IL1RAPL1: variants seen among roughly 807,000 people sequenced by gnomAD.
IL1RAPL1 encodes the protein interleukin-1 receptor accessory protein-like 1.
In IL1RAPL1, 3 loss-of-function variants were observed where a neutral mutation model predicts 48.4. The observed-to-expected ratio is 0.06, with a 90% confidence interval of 0.03 to 0.16. IL1RAPL1 has a LOEUF of 0.16. Ranked by LOEUF, IL1RAPL1 falls within the 10% of genes least tolerant of loss-of-function variation. The pLI is 1.00. For missense variants in IL1RAPL1, 349 were observed against 530.6 expected, an observed-to-expected ratio of 0.66 and a Z score of 3.36; for synonymous variants, 185 against 187.7, an observed-to-expected ratio of 0.99 and a Z score of 0.12.
At chrX:28,990,515 C>T (rs1056094854) in intron 2 of IL1RAPL1, among the ~76,000 whole-genome samples, 1 of 111,813 alleles carries the variant, frequency 8.9e-6, no homozygotes, top group Admixed American at 9.6e-5. Flanking sequence ...AGTTTGTTAT[C>T]TGAAGCTTAA....
chrX:29,860,026 A>G (rs1485842992), intron 6 of IL1RAPL1, among the ~76,000 whole-genome samples: 1 of 111,970 alleles, frequency 8.9e-6, no homozygotes, highest in African/African-American at 3.3e-5. Context: ...TCTATTTCTA[A>G]CAAAGAAAAT....
intron 6 of IL1RAPL1, among the ~76,000 whole-genome samples, chrX:29,676,734 A>G (rs1014218132): frequency 1.8e-5 from 2 of 111,546 alleles, no homozygotes; most frequent in African/African-American, 6.5e-5. Flanking sequence ...CAGGTATAAT[A>G]TTTTTAAAAA....
chrX:28,628,624 G>A (rs1231613351), intron 1 of IL1RAPL1, among the ~76,000 whole-genome samples: 3 of 112,266 alleles, frequency 2.7e-5, no homozygotes, highest in Non-Finnish European at 5.6e-5. Flanking sequence ...ATGTTCTTAA[G>A]TGAAGCATTT....
At chrX:29,490,887 T>A (rs748094555) in intron 5 of IL1RAPL1, among the ~76,000 whole-genome samples, 45 of 108,937 alleles carry the variant, frequency 4.1e-4, no homozygotes, top group African/African-American at 1.5e-3. Context: ...ATTTTGCAGC[T>A]CTAGTTTTTT....
At chrX:29,575,163 G>C (rs1922734715) in intron 5 of IL1RAPL1, among the ~76,000 whole-genome samples, 1 of 111,650 alleles carries the variant, frequency 9.0e-6, no homozygotes, top group African/African-American at 3.3e-5. Flanking sequence ...TATCTTTATA[G>C]CAATGTCCCA....
chrX:29,773,118 A>G (rs1441648594), intron 6 of IL1RAPL1, among the ~76,000 whole-genome samples: 15 of 112,659 alleles, frequency 1.3e-4, no homozygotes, highest in African/African-American at 4.8e-4. Flanking sequence ...AATTCTGAGG[A>G]AATATTCCAA....
chrX:29,413,437 T>C (rs986164792), intron 5 of IL1RAPL1, among the ~76,000 whole-genome samples: 1 of 110,277 alleles, frequency 9.1e-6, no homozygotes, highest in Non-Finnish European at 1.9e-5. Context: ...ATGTGCCATG[T>C]TGGTGTGCTG....
chrX:29,589,145 A>G (rs1000414651), intron 5 of IL1RAPL1, among the ~76,000 whole-genome samples: 1 of 112,258 alleles, frequency 8.9e-6, no homozygotes, highest in Non-Finnish European at 1.9e-5. Flanking sequence ...GCACAGATCT[A>G]GTAAACTGAC....
At chrX:29,073,617 A>G (rs1373358094) in intron 2 of IL1RAPL1, among the ~76,000 whole-genome samples, 1 of 111,605 alleles carries the variant, frequency 9.0e-6, no homozygotes, top group Non-Finnish European at 1.9e-5. Flanking sequence ...TAAGACATCC[A>G]TATACTGTCT....
chrX:28,653,707 A>G (rs1934714578), intron 1 of IL1RAPL1, among the ~76,000 whole-genome samples: 1 of 111,704 alleles, frequency 9.0e-6, no homozygotes, highest in South Asian at 3.8e-4. Context: ...ATTATTCTAC[A>G]TCTACCAGAG....
chrX:29,206,724 A>T (rs1220475538), intron 2 of IL1RAPL1, among the ~76,000 whole-genome samples: 1 of 112,077 alleles, frequency 8.9e-6, no homozygotes, highest in African/African-American at 3.2e-5. Flanking sequence ...ACATATGTAT[A>T]CAAGTATTTG....
intron 3 of IL1RAPL1, among the ~76,000 whole-genome samples, chrX:29,322,267 CTT>C (rs976515357): frequency 4.7e-5 from 5 of 107,203 alleles, no homozygotes; most frequent in African/African-American, 1.7e-4. Flanking sequence ...CTCTCTCTCT[CTT>C]TCTTTCTTTT....
chrX:28,860,407 A>G (rs779731105), intron 2 of IL1RAPL1, among the ~76,000 whole-genome samples: 29 of 110,605 alleles, frequency 2.6e-4, no homozygotes, highest in Admixed American at 5.8e-4. Context: ...CTCAACATGT[A>G]TAAGTTATTT....
chrX:28,846,743 T>G (rs1201580506), intron 2 of IL1RAPL1, among the ~76,000 whole-genome samples: 3 of 112,011 alleles, frequency 2.7e-5, no homozygotes, highest in African/African-American at 6.5e-5. Flanking sequence ...ATAAACTTAC[T>G]CTGCAATATT....
chrX:28,834,713 A>G (rs1601923792), intron 2 of IL1RAPL1, among the ~76,000 whole-genome samples: 1 of 111,659 alleles, frequency 9.0e-6, no homozygotes, highest in African/African-American at 3.2e-5. Flanking sequence ...ACAATTTGTA[A>G]AGTAGGTAAA....
chrX:29,094,793 A>G (rs1313280002), intron 2 of IL1RAPL1, among the ~76,000 whole-genome samples: 13 of 81,795 alleles, frequency 1.6e-4, no homozygotes, highest in African/African-American at 6.2e-4. Context: ...AAAAAAAAAA[A>G]AAAAAAAAGA....
At chrX:29,499,321 G>A (rs778945890) in intron 5 of IL1RAPL1, among the ~76,000 whole-genome samples, 1 of 112,060 alleles carries the variant, frequency 8.9e-6, no homozygotes, top group Non-Finnish European at 1.9e-5. Flanking sequence ...TTAACGGATT[G>A]AAAGGTTTGT....
At chrX:29,570,715 G>C (rs188057097) in intron 5 of IL1RAPL1, among the ~76,000 whole-genome samples, 29 of 111,778 alleles carry the variant, frequency 2.6e-4, no homozygotes, top group African/African-American at 8.8e-4. Context: ...GTACCAGGAG[G>C]GGATTCCATT....
intron 2 of IL1RAPL1, among the ~76,000 whole-genome samples, chrX:29,210,513 A>G (rs1369851712): frequency 8.9e-6 from 1 of 112,366 alleles, no homozygotes. Flanking sequence ...AGATATTTTA[A>G]TCTATTCATT....
Sources: gnomAD v4.1 joint callset for allele counts (sites outside exome capture counted in the v4.1 genomes callset) on GRCh38, gnomAD v4.1.1 for gene constraint, MANE v1.5 for transcripts, NCBI Gene and HGNC (gene_info 2026-07-23, HGNC 2026-07-21) for gene names.